GALNTL6: variants seen among roughly 807,000 people sequenced by gnomAD.
The protein encoded by GALNTL6 is polypeptide N-acetylgalactosaminyltransferase-like 6.
A neutral mutation model predicts 73.7 loss-of-function variants in GALNTL6; 46 were observed. The observed-to-expected ratio is 0.62, with a 90% CI of 0.49 to 0.80. The LOEUF is 0.80. Ranked by LOEUF, GALNTL6 falls within the 30% of genes least tolerant of loss-of-function variation. The probability of loss-of-function intolerance (pLI) is 0.00; values close to 1 mark genes in which losing one functional copy is unlikely to be tolerated. For synonymous variants in GALNTL6, 259 were observed against 263.7 expected, an observed-to-expected ratio of 0.98 and a Z score of 0.17; for missense variants, 604 against 755.0, an observed-to-expected ratio of 0.80 and a Z score of 2.34.
intron 5 of GALNTL6, among the ~76,000 whole-genome samples, chr4:172,605,250 G>C (rs964194332): frequency 6.6e-6 from 1 of 152,134 alleles, no homozygotes; most frequent in Non-Finnish European, 1.5e-5. Context: ...TATAGGAAAA[G>C]TATGAGGATT....
In GALNTL6 at chr4:172,809,789, T is replaced by TA. The variant is rs1741186304; in HGVS notation, c.739+244dup. On this transcript the variant is annotated intron_variant, in intron 6 of 12. Coordinates refer to ENST00000506823, the MANE Select transcript of GALNTL6 (RefSeq NM_001034845.3). This position sits in a 1 kb window ranked among gnomAD's most constrained non-coding sequence, Gnocchi z 4.4. ...ATCAACTTCAATCTAACTTACAGTTTAGAAAAGGTTTCATTTATCTTAGAT... is the reference window on the plus strand; with the variant it reads ...ATCAACTTCAATCTAACTTACAGTTTAAGAAAAGGTTTCATTTATCTTAGAT... Among the ~76,000 whole-genome samples, 1 of 152,132 alleles carries TA rather than the reference T, an allele frequency of 6.6e-6. No individual in the cohort carries two copies. Among genetic ancestry groups the TA allele is most frequent in the African/African-American group, 2.4e-5 (1 of 41,424 alleles).
At chr4:172,544,369 G>A (rs950275819) in intron 5 of GALNTL6, among the ~76,000 whole-genome samples, 2 of 152,036 alleles carry the variant, frequency 1.3e-5, no homozygotes, top group Non-Finnish European at 2.9e-5. Flanking sequence ...GGTTCTCAAG[G>A]GTCCTGTTTA....
At chr4:172,149,738 T>C (rs1734024224) in intron 2 of GALNTL6, among the ~76,000 whole-genome samples, 1 of 152,146 alleles carries the variant, frequency 6.6e-6, no homozygotes, top group African/African-American at 2.4e-5. Context: ...TCTGCATCAT[T>C]CCACAGGATG....
At chr4:172,325,203 A>G (rs916430613) in intron 4 of GALNTL6, among the ~76,000 whole-genome samples, 9 of 151,984 alleles carry the variant, frequency 5.9e-5, no homozygotes, top group Admixed American at 2.0e-4. Flanking sequence ...AAGGAATATT[A>G]TAACCATCAT....
intron 2 of GALNTL6, among the ~76,000 whole-genome samples, chr4:172,082,931 T>C (rs971483753): frequency 6.6e-6 from 1 of 152,186 alleles, no homozygotes; most frequent in Non-Finnish European, 1.5e-5. Context: ...TCCTCTTCAT[T>C]GTTTGTACTT....
intron 2 of GALNTL6, among the ~76,000 whole-genome samples, chr4:171,828,733 C>A (rs768361164): frequency 6.6e-6 from 1 of 152,232 alleles, no homozygotes; most frequent in East Asian, 1.9e-4. Flanking sequence ...AACGATTCTC[C>A]GGCCTCAGCC....
intron 10 of GALNTL6, among the ~76,000 whole-genome samples, chr4:172,960,749 C>T (rs1031307084): frequency 7.2e-5 from 11 of 151,972 alleles, no homozygotes; most frequent in Non-Finnish European, 1.0e-4. Context: ...GAATGACTGT[C>T]GAGTTTGTAT....
At chr4:172,912,980 A>T (rs1415370572) in intron 8 of GALNTL6, among the ~76,000 whole-genome samples, 1 of 152,164 alleles carries the variant, frequency 6.6e-6, no homozygotes, top group Non-Finnish European at 1.5e-5. Context: ...GGGCCGACTG[A>T]CACCTCATAC....
chr4:172,240,341 A>C lies in GALNTL6; in HGVS notation c.247+10577A>C, dbSNP rs1737380260. ...TGGGTTCATGCCATTCTCCTGCCTC[A>C]GCCTCCTAAGTAGCAGGGACTACAG... On this transcript the variant is annotated intron_variant, in intron 3 of 12. Coordinates refer to ENST00000506823, the MANE Select transcript of GALNTL6 (RefSeq NM_001034845.3). 2.0e-5 allele frequency among the ~76,000 whole-genome samples: 3 copies of C among 151,808 alleles called. No individual in the cohort carries two copies. In the South Asian group the frequency reaches 6.2e-4, roughly 32 times the overall value.
chr4:171,982,441 G>A (rs1739928240), intron 2 of GALNTL6, among the ~76,000 whole-genome samples: 1 of 152,088 alleles, frequency 6.6e-6, no homozygotes, highest in Non-Finnish European at 1.5e-5. Flanking sequence ...GGGACTACAG[G>A]CGCCCGCCAC....
intron 5 of GALNTL6, among the ~76,000 whole-genome samples, chr4:172,600,512 C>G (rs1157477496): frequency 6.7e-6 from 1 of 148,178 alleles, no homozygotes. Context: ...GAGGAGGTAA[C>G]TATACAGAGA....
In GALNTL6 at chr4:172,413,008, CT is replaced by C. The variant is rs1744502549; in HGVS notation, c.553+64322del. 2.0e-5 allele frequency among the ~76,000 whole-genome samples: 3 copies of C among 152,152 alleles called. 1 individual carries two copies. The South Asian group carries it at 6.2e-4, about 32-fold the overall frequency. On this transcript the variant is annotated intron_variant, in intron 5 of 12. Transcript: ENST00000506823. ...AGCAGCAGTGCCTGTCATTTCAAAT[CT>C]TTCATCAAGAAAGAAACATTTTTCA... is the stretch of plus-strand genomic sequence containing the variant.
chr4:172,316,048 T>C (rs1490902733), intron 4 of GALNTL6, among the ~76,000 whole-genome samples: 15 of 152,122 alleles, frequency 9.9e-5, no homozygotes, highest in African/African-American at 3.1e-4. Context: ...TAAGATAAAA[T>C]TGAAGAATTT....
At chr4:172,556,596 C>A (rs1736150021) in intron 5 of GALNTL6, among the ~76,000 whole-genome samples, 1 of 151,934 alleles carries the variant, frequency 6.6e-6, no homozygotes, top group Non-Finnish European at 1.5e-5. Context: ...AGTATTTTAT[C>A]TGGTAACTCT....
intron 9 of GALNTL6, among the ~76,000 whole-genome samples, chr4:172,944,904 C>T (rs1316131227): frequency 2.0e-5 from 3 of 151,456 alleles, no homozygotes; most frequent in South Asian, 4.2e-4. Flanking sequence ...AAAAAAAATA[C>T]GAAAGTAGCC....
chr4:172,067,467 C>T (rs1356003398), intron 2 of GALNTL6, among the ~76,000 whole-genome samples: 1 of 151,998 alleles, frequency 6.6e-6, no homozygotes, highest in Non-Finnish European at 1.5e-5. Context: ...TCCCAGCAGA[C>T]CACCAGATGT....
intron 2 of GALNTL6, among the ~76,000 whole-genome samples, chr4:171,952,578 T>G (rs1201803257): frequency 1.3e-5 from 2 of 152,046 alleles, no homozygotes; most frequent in African/African-American, 2.4e-5. Flanking sequence ...AATCATTTAA[T>G]AAATTCAAAT....
chr4:172,977,296 T>C (rs1319076856), intron 10 of GALNTL6, among the ~76,000 whole-genome samples: 1 of 152,218 alleles, frequency 6.6e-6, no homozygotes, highest in African/African-American at 2.4e-5. Flanking sequence ...CTAGGAATAT[T>C]TGAGTCAGTG....
intron 7 of GALNTL6, among the ~76,000 whole-genome samples, chr4:172,870,125 T>G (rs1265046330): frequency 6.6e-6 from 1 of 152,270 alleles, no homozygotes; most frequent in East Asian, 1.9e-4. Flanking sequence ...AATTCCAGTG[T>G]ACCCCTAACT....
Sources: gnomAD v4.1 joint callset for allele counts (sites outside exome capture counted in the v4.1 genomes callset) on GRCh38, gnomAD v4.1.1 for gene constraint, Gnocchi (gnomAD v3.1) non-coding constraint, MANE v1.5 for transcripts, NCBI Gene and HGNC (gene_info 2026-07-23, HGNC 2026-07-21) for gene names.